Variants in TMEM132D observed in about 807,000 individuals in gnomAD.
TMEM132D encodes mature OL transmembrane protein.
A neutral mutation model predicts 62.3 loss-of-function variants in TMEM132D; 21 were observed. That is an observed-to-expected ratio of 0.34 (90% CI 0.24 to 0.49). The LOEUF is 0.49. TMEM132D is among the 20% of genes least tolerant of loss of function. The pLI, the probability that TMEM132D is intolerant of heterozygous loss-of-function variation, is 0.99. For missense variants in TMEM132D, 1,346 were observed against 1,402.8 expected, an observed-to-expected ratio of 0.96 and a Z score of 0.65; for synonymous variants, 621 against 575.6, an observed-to-expected ratio of 1.08 and a Z score of -1.13.
intron 1 of TMEM132D, among the ~76,000 whole-genome samples, chr12:129,727,845 C>T (rs750789244): frequency 2.0e-5 from 3 of 151,632 alleles, no homozygotes; most frequent in Non-Finnish European, 2.9e-5. Flanking sequence ...AAAAAAAATG[C>T]TAAGCTTACT....
chr12:129,152,774 T>G (rs1383471076), intron 5 of TMEM132D, among the ~76,000 whole-genome samples: 1 of 152,204 alleles, frequency 6.6e-6, no homozygotes, highest in East Asian at 1.9e-4. Flanking sequence ...TTTCTCTCCC[T>G]TCCCCTGCTC....
At chr12:129,403,026 C>T (rs947123000) in intron 3 of TMEM132D, among the ~76,000 whole-genome samples, 1 of 152,194 alleles carries the variant, frequency 6.6e-6, no homozygotes, top group South Asian at 2.1e-4. Context: ...CTGAAGAAGA[C>T]TCCACTGACA....
At chr12:129,172,672 G>A (rs539506066) in intron 5 of TMEM132D, among the ~76,000 whole-genome samples, 4 of 152,210 alleles carry the variant, frequency 2.6e-5, no homozygotes, top group Admixed American at 1.3e-4. Flanking sequence ...TCTGCCTCCC[G>A]GGTTCAAGTG....
At chr12:129,480,299 A>T (rs1311528300) in intron 3 of TMEM132D, among the ~76,000 whole-genome samples, 2 of 152,136 alleles carry the variant, frequency 1.3e-5, no homozygotes, top group South Asian at 4.1e-4. Context: ...TACTGTGCAA[A>T]CCCCTGTGGG....
chr12:129,874,244 A>C (rs1874341336), intron 1 of TMEM132D, among the ~76,000 whole-genome samples: 1 of 152,174 alleles, frequency 6.6e-6, no homozygotes, highest in Admixed American at 6.5e-5. Context: ...CACATATAGC[A>C]AAACATGATG....
chr12:129,875,613 GC>G (rs1874394656), intron 1 of TMEM132D, among the ~76,000 whole-genome samples: 1 of 152,092 alleles, frequency 6.6e-6, no homozygotes, highest in African/African-American at 2.4e-5. Context: ...GGGAAGAGAG[GC>G]GTGGCCTCTG....
intron 1 of TMEM132D, among the ~76,000 whole-genome samples, chr12:129,716,048 G>A (rs189036150): frequency 3.7e-4 from 56 of 152,306 alleles, no homozygotes; most frequent in Non-Finnish European, 6.3e-4. Context: ...TAGGCGTCCA[G>A]GTAGAAAGCG....
intron 2 of TMEM132D, among the ~76,000 whole-genome samples, chr12:129,656,383 A>G (rs1293428157): frequency 6.6e-6 from 1 of 152,184 alleles, no homozygotes; most frequent in Non-Finnish European, 1.5e-5. Context: ...ATGTAGAACC[A>G]AAATCTTCAT....
intron 2 of TMEM132D, among the ~76,000 whole-genome samples, chr12:129,575,540 C>A (rs1434252781): frequency 4.6e-5 from 7 of 151,890 alleles, no homozygotes; most frequent in Non-Finnish European, 1.0e-4. Flanking sequence ...GTGAGCGCTG[C>A]GTCCATGTGC....
chr12:129,875,716 C>T (rs748009720), intron 1 of TMEM132D, among the ~76,000 whole-genome samples: 12 of 152,144 alleles, frequency 7.9e-5, no homozygotes, highest in Non-Finnish European at 1.8e-4. Context: ...GAAAAGCATG[C>T]GCCTCATCCC....
intron 1 of TMEM132D, among the ~76,000 whole-genome samples, chr12:129,735,044 T>A (rs1398417248): frequency 6.6e-6 from 1 of 152,044 alleles, no homozygotes; most frequent in Non-Finnish European, 1.5e-5. Flanking sequence ...CAAAAAGAAT[T>A]AAAAGTTAAA....
At chr12:129,170,814 A>AAG (rs1234857388) in intron 5 of TMEM132D, among the ~76,000 whole-genome samples, 1 of 151,498 alleles carries the variant, frequency 6.6e-6, no homozygotes, top group Non-Finnish European at 1.5e-5. Flanking sequence ...AGTAAAAAAA[A>AAG]AAAGTGTTAT....
intron 3 of TMEM132D, among the ~76,000 whole-genome samples, chr12:129,432,717 TA>T (rs1323051222): frequency 5.5e-4 from 84 of 152,340 alleles, no homozygotes; most frequent in African/African-American, 2.0e-3. Context: ...ATAGCCCAGG[TA>T]AAAGAAATGT....
intron 2 of TMEM132D, among the ~76,000 whole-genome samples, chr12:129,550,376 A>G (rs770345312): frequency 1.1e-4 from 16 of 152,200 alleles, no homozygotes; most frequent in Non-Finnish European, 1.6e-4. Flanking sequence ...ATTAATCACT[A>G]TGTTCCCCCT....
In TMEM132D at chr12:129,081,779, G is replaced by T. The variant is rs753296764; in HGVS notation, c.1903C>A (p.Leu635Ile). 8.7e-6 allele frequency: 14 copies of T among 1,605,372 alleles called. No homozygotes were observed. Among genetic ancestry groups the T allele is most frequent in the Admixed American group, 8.5e-5 (5 of 58,674 alleles). ...TTTACCTGAATGGTGGTCATCCCAA[G>T]CTCCTGCCCCATCAGGATCTGTCCG... ...QGGQILMGQE[L>I]GMTTIQILSP... The change falls in exon 7 of 9, where the codon CTT becomes ATT. Residue 635 changes from leucine (L) to isoleucine (I), a missense_variant. By Grantham distance (5) the Leu-to-Ile change is conservative. Transcript: ENST00000422113.
chr12:129,294,859 T>C (rs1447828050), intron 4 of TMEM132D, among the ~76,000 whole-genome samples: 5 of 152,248 alleles, frequency 3.3e-5, no homozygotes, highest in Non-Finnish European at 5.9e-5. Flanking sequence ...CCTATGACTG[T>C]GTACTGTTTT....
chr12:129,903,396 G>C lies in TMEM132D; in HGVS notation c.-57C>G, dbSNP rs1173816788. 9 of 1,526,426 alleles carry C rather than the reference G, an allele frequency of 5.9e-6. No individual in the cohort carries two copies. Among genetic ancestry groups the C allele is most frequent in the Non-Finnish European group, 8.0e-6 (9 of 1,125,240 alleles). The allele number at this position is 1,526,426 out of a possible 1,614,324, so 94.6% of individuals were successfully genotyped here. On this transcript the variant is annotated 5_prime_UTR_variant, in exon 1 of 9. Transcript: ENST00000422113. The surrounding 1 kb of genome is among the most constrained non-coding windows in gnomAD (Gnocchi z 6.2). ...CCCGGCGCCGTCCAGGCGAACAAGA[G>C]ACCGTCTCAGTCCCCTAGAGGCCCG...
At chr12:129,469,645 G>A (rs1669555293) in intron 3 of TMEM132D, among the ~76,000 whole-genome samples, 1 of 152,154 alleles carries the variant, frequency 6.6e-6, no homozygotes, top group Non-Finnish European at 1.5e-5. Context: ...CCAGAGAGTG[G>A]GAACCAGTAA....
At chr12:129,525,224 CG>C (rs779575088) in intron 3 of TMEM132D, among the ~76,000 whole-genome samples, 1 of 32,094 alleles carries the variant, frequency 3.1e-5, no homozygotes, top group Non-Finnish European at 5.8e-5. Flanking sequence ...GGTGCCCAGC[CG>C]GTTTTTTTTT....
Sources: allele counts gnomAD v4.1 joint callset (sites outside exome capture counted in the v4.1 genomes callset), GRCh38; gene constraint gnomAD v4.1.1; non-coding constraint Gnocchi (gnomAD v3.1); transcripts MANE v1.5; gene names NCBI Gene and HGNC (gene_info 2026-07-23, HGNC 2026-07-21).